Variants in ABCC4 observed in about 807,000 individuals in gnomAD.
ABCC4 encodes ATP-binding cassette sub-family C member 4.
A neutral mutation model predicts 168.5 loss-of-function variants in ABCC4; 102 were observed. The observed-to-expected ratio is 0.61, with a 90% CI of 0.52 to 0.71. The LOEUF (loss-of-function observed/expected upper bound fraction) is 0.71, where lower values mean the gene tolerates loss of function less well. Ranked by LOEUF, ABCC4 falls within the 30% of genes least tolerant of loss-of-function variation. The pLI, the probability that ABCC4 is intolerant of heterozygous loss-of-function variation, is 0.00. For missense variants in ABCC4, 1,402 were observed against 1,605.8 expected (o/e 0.87, Z 2.17); for synonymous variants, 617 against 590.7 (o/e 1.04, Z -0.65).
Position 95,090,936 on chromosome 13 carries a change from C to A in ABCC4, c.2536-7646G>T, listed in dbSNP as rs1179279803. On this transcript the variant is annotated intron_variant, in intron 20 of 30. Coordinates refer to ENST00000645237, the MANE Select transcript of ABCC4 (RefSeq NM_005845.5). ...AAGAAACAGATAGCTTAAAAAAAAT[C>A]AAAAATTCGAGAGACATTGGACACA... Among the ~76,000 whole-genome samples, 10 of 151,916 alleles carry A rather than the reference C, an allele frequency of 6.6e-5. No homozygotes were observed. In the East Asian group the frequency reaches 1.6e-3, roughly 24 times the overall value.
chr13:95,282,595 C>T (rs1954507631), intron 1 of ABCC4, among the ~76,000 whole-genome samples: 1 of 151,664 alleles, frequency 6.6e-6, no homozygotes, highest in South Asian at 2.1e-4. Context: ...AGTGCAGTGG[C>T]ACAATCTCGA....
chr13:95,163,541 ACTCTAT>A (rs2037166736), intron 17 of ABCC4, 63 bp downstream of exon 17: 1 of 1,394,536 alleles, frequency 7.2e-7, no homozygotes, highest in Admixed American at 1.8e-5. Flanking sequence ...CCTCCCTCTA[ACTCTAT>A]GGAAAAGCGA....
At chr13:95,122,265 T>A (rs1355747076) in intron 19 of ABCC4, among the ~76,000 whole-genome samples, 3 of 152,226 alleles carry the variant, frequency 2.0e-5, no homozygotes, top group Non-Finnish European at 2.9e-5. Context: ...GCCCAGGGCT[T>A]ACTCAGACAC....
rs2033826860 is a variant in ABCC4, at chr13:95,074,343, A to G, written c.2807-19T>C. The stretch of plus-strand genomic sequence containing the variant: ...CAAGCCTCTGAATTTGAGAACGGTA[A>G]TAAGCATGATGAATAAGTAGATGAA... On this transcript the variant is annotated intron_variant, in intron 22 of 30. Coordinates refer to ENST00000645237, the MANE Select transcript of ABCC4 (RefSeq NM_005845.5). 1 of 1,573,452 alleles carries G rather than the reference A, an allele frequency of 6.4e-7. No homozygotes were observed. The highest frequency in any genetic ancestry group is 8.7e-7 in the Non-Finnish European group (1 of 1,147,498).
chr13:95,232,747 T>C (rs985238685), intron 4 of ABCC4, among the ~76,000 whole-genome samples: 1 of 152,084 alleles, frequency 6.6e-6, no homozygotes, highest in Non-Finnish European at 1.5e-5. Flanking sequence ...ACTGATTTAA[T>C]GACAAGTTCT....
intron 1 of ABCC4, among the ~76,000 whole-genome samples, chr13:95,270,824 G>A (rs1029115535): frequency 4.6e-5 from 7 of 152,230 alleles, no homozygotes; most frequent in South Asian, 4.1e-4. Flanking sequence ...GGCCGGGCAC[G>A]GTGGCTCACG....
At chr13:95,269,448 T>A (rs1482624782) in intron 1 of ABCC4, 26 of 203,560 alleles carry the variant, frequency 1.3e-4, no homozygotes, top group African/African-American at 2.6e-4. Context: ...TATATATATA[T>A]ATATATATAT....
At chr13:95,211,245 T>G (rs2038947782) in intron 4 of ABCC4, among the ~76,000 whole-genome samples, 1 of 152,148 alleles carries the variant, frequency 6.6e-6, no homozygotes. Flanking sequence ...ATGTGTTCAA[T>G]GGGAAATGAC....
intron 1 of ABCC4, among the ~76,000 whole-genome samples, chr13:95,258,487 T>C (rs560370659): frequency 1.8e-4 from 28 of 152,326 alleles, no homozygotes; most frequent in African/African-American, 6.3e-4. Context: ...CATACCCTCA[T>C]TGTCGATCAT....
intron 19 of ABCC4, among the ~76,000 whole-genome samples, chr13:95,131,176 G>A (rs1377971220): frequency 1.3e-5 from 2 of 152,148 alleles, no homozygotes; most frequent in Admixed American, 1.3e-4. Flanking sequence ...CAGGAAAGGA[G>A]TTAAGAAACT....
chr13:95,096,954 T>C (rs1038799967), intron 20 of ABCC4, among the ~76,000 whole-genome samples: 3 of 152,212 alleles, frequency 2.0e-5, no homozygotes, highest in African/African-American at 7.2e-5. Context: ...TATAAATTTC[T>C]TTAAAAGACC....
chr13:95,048,074 A>C (rs1030916648), intron 27 of ABCC4, among the ~76,000 whole-genome samples: 32 of 152,206 alleles, frequency 2.1e-4, no homozygotes, highest in African/African-American at 7.7e-4. Flanking sequence ...TTACAAAGTA[A>C]ATCCACAAAG....
chr13:95,177,722 C>A lies in ABCC4; in HGVS notation c.1712G>T (p.Arg571Ile). 6.2e-7 allele frequency: 1 copy of A among 1,610,282 alleles called. No homozygotes were observed. Among genetic ancestry groups the A allele is most frequent in the South Asian group, 1.1e-5 (1 of 90,872 alleles). The change falls in exon 13 of 31, where the codon AGA becomes ATA. Residue 571 changes from arginine to isoleucine, a missense_variant. This residue lies in a region of ABCC4 where 1,007 missense variants were observed against 1,127.3 expected (regional missense o/e 0.89). Coordinates refer to ENST00000645237, the MANE Select transcript of ABCC4 (RefSeq NM_005845.5). ...PLSAVDAEVS[R>I]HLFELCICQI... is the part of the protein sequence containing the mutation. ...ACACACTCACAGTTCGAACAAGTGT[C>A]TGCTAACTTCCGCATCTACTGCACT... is the stretch of plus-strand genomic sequence containing the variant.
intron 1 of ABCC4, among the ~76,000 whole-genome samples, chr13:95,294,836 C>T (rs1272037403): frequency 6.6e-6 from 1 of 151,914 alleles, no homozygotes; most frequent in Non-Finnish European, 1.5e-5. Flanking sequence ...CATCTGTAGT[C>T]CCAGCTATTT....
chr13:95,185,243 G>A (rs551670920), intron 11 of ABCC4, among the ~76,000 whole-genome samples: 18 of 152,126 alleles, frequency 1.2e-4, no homozygotes, highest in Non-Finnish European at 2.2e-4. Flanking sequence ...ATGTGTGAGC[G>A]TGTGAGACAG....
rs1042455493 is a variant in ABCC4, at chr13:95,178,310, T to A, written c.1546-219A>T. Among the ~76,000 whole-genome samples the A allele has an allele frequency of 3.9e-5, 6 of 152,262 alleles. 1 individual carries two copies. The highest frequency in any genetic ancestry group is 1.4e-4 in the African/African-American group (6 of 41,466). On this transcript the variant is annotated intron_variant, in intron 11 of 30. Coordinates refer to ENST00000645237, the MANE Select transcript of ABCC4 (RefSeq NM_005845.5). ...GGGCACGTTATCTATTTTAATGCTGTAGCTTTTCATAGCATTTATGCACTG... is the reference window on the plus strand; with the variant it reads ...GGGCACGTTATCTATTTTAATGCTGAAGCTTTTCATAGCATTTATGCACTG...
At chr13:95,091,538 G>T (rs1364011489) in intron 20 of ABCC4, among the ~76,000 whole-genome samples, 1 of 152,156 alleles carries the variant, frequency 6.6e-6, no homozygotes. Context: ...TTTGCATCCA[G>T]TGAAACTATG....
chr13:95,045,723 G>C (rs188569302), intron 27 of ABCC4, among the ~76,000 whole-genome samples: 2 of 152,252 alleles, frequency 1.3e-5, no homozygotes, highest in Admixed American at 1.3e-4. Context: ...GAGAGCTATA[G>C]AGGAACCAAG....
At chr13:95,223,328 A>C (rs1175469979) in intron 4 of ABCC4, among the ~76,000 whole-genome samples, 2 of 152,194 alleles carry the variant, frequency 1.3e-5, no homozygotes, top group Non-Finnish European at 2.9e-5. Flanking sequence ...CATAATAAAA[A>C]CCAAACCCCT....
Sources: gnomAD v4.1 joint callset for allele counts (sites outside exome capture counted in the v4.1 genomes callset) on GRCh38, gnomAD v4.1.1 for gene constraint, gnomAD v4.1.1 regional missense constraint, MANE v1.5 for transcripts, NCBI Gene and HGNC (gene_info 2026-07-23, HGNC 2026-07-21) for gene names.